Variants in SHC3 observed in about 807,000 individuals in gnomAD.
SHC3 encodes the protein SHC adaptor protein 3.
A neutral mutation model predicts 60.4 loss-of-function variants in SHC3; 15 were observed. The observed-to-expected ratio is 0.25, with a 90% CI of 0.17 to 0.38. The LOEUF (loss-of-function observed/expected upper bound fraction) is 0.38, where lower values mean the gene tolerates loss of function less well. Ranked by LOEUF, SHC3 falls within the 10% of genes least tolerant of loss-of-function variation. The probability of loss-of-function intolerance (pLI) is 1.00; values close to 1 mark genes in which losing one functional copy is unlikely to be tolerated. For synonymous variants in SHC3, 294 were observed against 325.9 expected (o/e 0.90, Z 1.05); for missense variants, 677 against 786.1 (o/e 0.86, Z 1.66).
Position 89,178,717 on chromosome 9 carries a change from G to A in SHC3, c.-257C>T. ...GCACGTTTGCTTTGCAAAAGTCATA[G>A]TTGCCTCTGATGGAGCGCCCAGCTG... On this transcript the variant is annotated 5_prime_UTR_variant, in exon 1 of 12. Coordinates refer to ENST00000375835, the MANE Select transcript of SHC3 (RefSeq NM_016848.6). The surrounding 1 kb of genome is among the most constrained non-coding windows in gnomAD (Gnocchi z 6.9). 1 of 369,580 alleles carries A rather than the reference G, an allele frequency of 2.7e-6. No homozygotes were observed. Among genetic ancestry groups the A allele is most frequent in the East Asian group, 4.1e-5 (1 of 24,262 alleles). The allele number at this position is 369,580 out of a possible 1,614,324, so 22.9% of individuals were successfully genotyped here.
chr9:89,160,256 A>T (rs1300944548), intron 1 of SHC3, among the ~76,000 whole-genome samples: 1 of 151,956 alleles, frequency 6.6e-6, no homozygotes, highest in Non-Finnish European at 1.5e-5. Context: ...AGAGCTTCTC[A>T]CTCTGATTCT....
intron 1 of SHC3, among the ~76,000 whole-genome samples, chr9:89,151,553 T>G (rs1282056516): frequency 6.6e-6 from 1 of 152,170 alleles, no homozygotes; most frequent in Non-Finnish European, 1.5e-5. Context: ...CTCTGTTGTT[T>G]GTAAATTACC....
chr9:89,026,822 C>T (rs1340240621), intron 11 of SHC3, among the ~76,000 whole-genome samples: 2 of 152,184 alleles, frequency 1.3e-5, no homozygotes, highest in Non-Finnish European at 2.9e-5. Flanking sequence ...CACACCTGGG[C>T]CCTTGGACAA....
intron 6 of SHC3, among the ~76,000 whole-genome samples, chr9:89,053,713 T>C (rs1364058979): frequency 6.6e-6 from 1 of 152,248 alleles, no homozygotes; most frequent in Non-Finnish European, 1.5e-5. Flanking sequence ...CTTCTGATGA[T>C]CAATTATTGA....
At position 89,114,335 on chromosome 9, in the gene SHC3, G is replaced by A. The variant is rs1825992465; in HGVS notation, c.475-1709C>T. Among the ~76,000 whole-genome samples, 4 of 152,014 alleles carry A rather than the reference G, an allele frequency of 2.6e-5. No homozygotes were observed. In the South Asian group the frequency reaches 8.3e-4, roughly 32 times the overall value. Reference sequence around the variant, plus strand: ...TGTTAACACTACCACCATTATTACAGAGTTTTGAAAATACCTGTCCCCCCA... The same window carrying A: ...TGTTAACACTACCACCATTATTACAAAGTTTTGAAAATACCTGTCCCCCCA... On this transcript the variant is annotated intron_variant, in intron 1 of 11. Transcript: ENST00000375835.
chr9:89,135,766 G>C (rs1464441674), intron 1 of SHC3, among the ~76,000 whole-genome samples: 1 of 152,136 alleles, frequency 6.6e-6, no homozygotes. Context: ...AATTGAGATG[G>C]ATGAGTAATG....
chr9:89,126,721 A>G (rs1340675665), intron 1 of SHC3, among the ~76,000 whole-genome samples: 2 of 152,132 alleles, frequency 1.3e-5, no homozygotes, highest in Non-Finnish European at 2.9e-5. Flanking sequence ...TGAATGAATG[A>G]TAAAAATCAC....
chr9:89,136,001 A>G (rs1318592886), intron 1 of SHC3, among the ~76,000 whole-genome samples: 1 of 152,188 alleles, frequency 6.6e-6, no homozygotes. Context: ...CTTAAATTGA[A>G]CACTTATTAA....
At chr9:89,172,562 GACACACAC>G (rs369381560) in intron 1 of SHC3, among the ~76,000 whole-genome samples, 66 of 120,336 alleles carry the variant, frequency 5.5e-4, no homozygotes, top group African/African-American at 2.0e-3. Flanking sequence ...GACACACACA[GACACACAC>G]ACACAGACAC....
At chr9:89,103,985 G>T (rs1172012798) in intron 2 of SHC3, among the ~76,000 whole-genome samples, 1 of 152,102 alleles carries the variant, frequency 6.6e-6, no homozygotes, top group African/African-American at 2.4e-5. Flanking sequence ...AATCAGAGAG[G>T]TACATTTTGA....
At chr9:89,118,760 TTA>T (rs1252705255) in intron 1 of SHC3, among the ~76,000 whole-genome samples, 4 of 152,108 alleles carry the variant, frequency 2.6e-5, no homozygotes, top group Non-Finnish European at 5.9e-5. Flanking sequence ...GCCAAGAATC[TTA>T]TATGCACCCA....
intron 1 of SHC3, among the ~76,000 whole-genome samples, chr9:89,177,389 C>T (rs957429070): frequency 1.3e-5 from 2 of 152,224 alleles, no homozygotes; most frequent in Admixed American, 6.5e-5. Flanking sequence ...CTGCTGTAAA[C>T]CAGAACCTTT....
chr9:89,163,374 C>G (rs1199696336), intron 1 of SHC3, among the ~76,000 whole-genome samples: 11 of 151,972 alleles, frequency 7.2e-5, no homozygotes, highest in East Asian at 1.9e-4. Flanking sequence ...ACTGGATTAA[C>G]AAAATGTGGC....
rs144044798 is a variant in SHC3 at position 89,082,779 on chromosome 9, G to A, written c.546-4876C>T. On this transcript the variant is annotated intron_variant, in intron 2 of 11. Transcript: ENST00000375835. Reference sequence around the variant, plus strand: ...TTACCAGAGTCCCATTTTAACCTGCGGTTGCCTCCCGCCCTCCTGTCTGAA... The same window carrying A: ...TTACCAGAGTCCCATTTTAACCTGCAGTTGCCTCCCGCCCTCCTGTCTGAA... Among the ~76,000 whole-genome samples, 261 of 152,170 alleles carry A rather than the reference G, an allele frequency of 1.7e-3. 2 individuals carry two copies. The highest frequency in any genetic ancestry group is 6.0e-3 in the African/African-American group (249 of 41,516).
intron 6 of SHC3, among the ~76,000 whole-genome samples, chr9:89,054,086 G>A (rs1824906975): frequency 6.6e-6 from 1 of 152,148 alleles, no homozygotes; most frequent in Admixed American, 6.5e-5. Context: ...GAAGAACGAA[G>A]AATACGATTT....
At chr9:89,054,156 C>T (rs891582946) in intron 6 of SHC3, among the ~76,000 whole-genome samples, 10 of 152,114 alleles carry the variant, frequency 6.6e-5, no homozygotes, top group African/African-American at 1.9e-4. Context: ...CACCTGAGAG[C>T]ATGAAGCCTG....
At chr9:89,036,460 A>T (rs1176674117) in intron 11 of SHC3, among the ~76,000 whole-genome samples, 2 of 152,162 alleles carry the variant, frequency 1.3e-5, no homozygotes, top group East Asian at 3.9e-4. Context: ...ATGTACGTGT[A>T]CCCTGTGACC....
intron 4 of SHC3, among the ~76,000 whole-genome samples, chr9:89,072,588 C>T (rs1020971904): frequency 1.3e-5 from 2 of 152,126 alleles, no homozygotes; most frequent in East Asian, 1.9e-4. Context: ...TAAACTGCAG[C>T]GTACAGTGGA....
At chr9:89,113,514 C>T (rs1212419323) in intron 1 of SHC3, among the ~76,000 whole-genome samples, 1 of 152,044 alleles carries the variant, frequency 6.6e-6, no homozygotes, top group African/African-American at 2.4e-5. Flanking sequence ...GAAAAAACTG[C>T]ATTTGAATTA....
Sources: allele counts gnomAD v4.1 joint callset (sites outside exome capture counted in the v4.1 genomes callset), GRCh38; gene constraint gnomAD v4.1.1; non-coding constraint Gnocchi (gnomAD v3.1); transcripts MANE v1.5; gene names NCBI Gene and HGNC (gene_info 2026-07-23, HGNC 2026-07-21).